The following NBAS variants were observed in gnomAD, a reference collection of about 807,000 sequenced individuals.
NBAS encodes the protein NAG/BC035112 fusion.
NBAS carries 219 observed loss-of-function variants against 302.5 expected under a neutral mutation model. The observed-to-expected ratio is 0.72, with a 90% CI of 0.65 to 0.81. NBAS has a LOEUF of 0.81. Ranked by LOEUF, NBAS falls within the 30% of genes least tolerant of loss-of-function variation. NBAS has a pLI of 0.00. For missense variants in NBAS, 2,932 were observed against 2,841.6 expected (o/e 1.03, Z -0.72); for synonymous variants, 1,118 against 1,021.6 (o/e 1.09, Z -1.80).
chr2:15,086,811 C>T, the NBAS span, among the ~76,000 whole-genome samples: 1 of 152,156 alleles, frequency 6.6e-6, no homozygotes, highest in African/African-American at 2.4e-5. Context: ...CAAAGGAGTG[C>T]CTAGATATTT....
chr2:15,105,870 C>T, the NBAS span, among the ~76,000 whole-genome samples: 1,560 of 152,194 alleles, frequency 0.01, 23 homozygotes, highest in Middle Eastern at 0.034. Flanking sequence ...AAGGCACGCA[C>T]GCAGAGGAGC....
the NBAS span, among the ~76,000 whole-genome samples, chr2:15,156,932 G>C: frequency 6.6e-6 from 1 of 152,046 alleles, no homozygotes; most frequent in Non-Finnish European, 1.5e-5. Flanking sequence ...TGGATTTTGG[G>C]GAATCCAGAG....
the NBAS span, among the ~76,000 whole-genome samples, chr2:14,813,419 A>G: frequency 6.6e-6 from 1 of 152,192 alleles, no homozygotes; most frequent in Non-Finnish European, 1.5e-5. Flanking sequence ...CTTATTGGGA[A>G]CTGGAATAAA....
intron 44 of NBAS, among the ~76,000 whole-genome samples, chr2:15,241,238 G>C (rs1263900753): frequency 6.6e-6 from 1 of 152,154 alleles, no homozygotes; most frequent in Non-Finnish European, 1.5e-5. Flanking sequence ...ATAAATTTCA[G>C]AAATTACTTG....
At chr2:15,527,595 C>T (rs1295435004) in intron 9 of NBAS, among the ~76,000 whole-genome samples, 1 of 152,144 alleles carries the variant, frequency 6.6e-6, no homozygotes, top group Non-Finnish European at 1.5e-5. Context: ...CTATCAGGGC[C>T]TTAAACGCAC....
the NBAS span, among the ~76,000 whole-genome samples, chr2:14,962,236 T>A: frequency 6.6e-6 from 1 of 152,218 alleles, no homozygotes. Flanking sequence ...TAGGCACATG[T>A]CTGTCTGGGA....
the NBAS span, among the ~76,000 whole-genome samples, chr2:15,055,346 T>C: frequency 6.6e-6 from 1 of 152,174 alleles, no homozygotes; most frequent in East Asian, 1.9e-4. Flanking sequence ...TACTTTGCAA[T>C]ACAGTGGGTG....
rs148321047 is a variant in NBAS, at chr2:15,215,670, G to A, written c.6432+3103C>T. ...ATACTTGGGGATCTTCTAGGTGTTT[G>A]GGATATGGAGATGAAGAGTGGAGTT... On this transcript the variant is annotated intron_variant, in intron 48 of 51. Transcript: ENST00000281513. Among the ~76,000 whole-genome samples the A allele has an allele frequency of 7.2e-4, 109 of 152,314 alleles. 1 individual carries two copies. The highest frequency in any genetic ancestry group is 2.3e-3 in the African/African-American group (94 of 41,568).
At chr2:15,509,346 A>T (rs1662031429) in intron 10 of NBAS, among the ~76,000 whole-genome samples, 1 of 152,140 alleles carries the variant, frequency 6.6e-6, no homozygotes, top group African/African-American at 2.4e-5. Flanking sequence ...TGTTCTCCTT[A>T]CTAGGTCCTG....
intron 42 of NBAS, among the ~76,000 whole-genome samples, chr2:15,279,043 G>C (rs1469956679): frequency 6.6e-6 from 1 of 152,116 alleles, no homozygotes; most frequent in African/African-American, 2.4e-5. Context: ...ATGGGACAGT[G>C]AATCACAGAA....
At chr2:15,444,995 TC>T (rs1202714972) in intron 21 of NBAS, among the ~76,000 whole-genome samples, 2 of 149,116 alleles carry the variant, frequency 1.3e-5, no homozygotes, top group Non-Finnish European at 3.0e-5. Flanking sequence ...CATTAAAAAG[TC>T]AGGAAACAAC....
rs1478754689 is a variant in NBAS, at chr2:15,275,660, AG to A, written c.5547del (p.Trp1850GlyfsTer32). The A allele has an allele frequency of 2.0e-5, 32 of 1,614,116 alleles. No homozygotes were observed. Among genetic ancestry groups the A allele is most frequent in the Non-Finnish European group, 2.7e-5 (32 of 1,180,046 alleles). ...CCAGTCCAGAACAACTTCTGTAACC[AG>A]ATGGTGTACAGAGAGCTTGGGGAAA... ...QMLSPSSLYTIWLQKLFWTGD... is the reference protein window; with the variant it reads ...QMLSPSSLYTXWLQKLFWTGD... On this transcript the variant is annotated frameshift_variant, in exon 44 of 52. Coordinates refer to ENST00000281513, the MANE Select transcript of NBAS (RefSeq NM_015909.4). LOFTEE classifies it high-confidence loss of function.
chr2:15,396,507 C>A, intron 26 of NBAS, 32 bp from the exon 27 acceptor site: 3 of 1,477,400 alleles, frequency 2.0e-6, no homozygotes, highest in Non-Finnish European at 2.7e-6. Context: ...AAAAAAAGCC[C>A]TTAAGTTTAG....
the NBAS span, among the ~76,000 whole-genome samples, chr2:14,982,471 G>GA: frequency 6.6e-6 from 1 of 152,104 alleles, no homozygotes; most frequent in Non-Finnish European, 1.5e-5. Flanking sequence ...CGGAGTCCAG[G>GA]AAAAAAGAAC....
intron 46 of NBAS, among the ~76,000 whole-genome samples, chr2:15,233,796 T>C (rs974612462): frequency 6.6e-6 from 1 of 152,210 alleles, no homozygotes; most frequent in Non-Finnish European, 1.5e-5. Flanking sequence ...CTCATTTGAT[T>C]TCAGTTCAGC....
chr2:15,049,813 G>A, the NBAS span, among the ~76,000 whole-genome samples: 1 of 152,182 alleles, frequency 6.6e-6, no homozygotes, highest in African/African-American at 2.4e-5. Flanking sequence ...AGCTTCCAGG[G>A]GGCCTTGTAA....
intron 6 of NBAS, among the ~76,000 whole-genome samples, chr2:15,550,674 T>C (rs957397022): frequency 6.6e-6 from 1 of 151,164 alleles, no homozygotes; most frequent in Non-Finnish European, 1.5e-5. Flanking sequence ...GTAAACTCCA[T>C]CTCCCAGGTT....
intron 35 of NBAS, among the ~76,000 whole-genome samples, chr2:15,345,886 A>C (rs1673063997): frequency 6.6e-6 from 1 of 152,200 alleles, no homozygotes; most frequent in Non-Finnish European, 1.5e-5. Flanking sequence ...GACAAACCTG[A>C]CAGAAAGAAG....
chr2:15,371,763 T>A (rs1674496556), intron 31 of NBAS, among the ~76,000 whole-genome samples: 1 of 151,478 alleles, frequency 6.6e-6, no homozygotes, highest in African/African-American at 2.4e-5. Context: ...GTTTATTAAA[T>A]GAAAGCAAAG....
Sources: gnomAD v4.1 joint callset for allele counts (sites outside exome capture counted in the v4.1 genomes callset) on GRCh38, gnomAD v4.1.1 for gene constraint, MANE v1.5 for transcripts, NCBI Gene and HGNC (gene_info 2026-07-23, HGNC 2026-07-21) for gene names.